The following BBS9 variants were observed in gnomAD, a reference collection of about 807,000 sequenced individuals.
BBS9 encodes Bardet-Biedl syndrome 9.
A neutral mutation model predicts 117.7 loss-of-function variants in BBS9; 89 were observed. That is an observed-to-expected ratio of 0.76 (90% confidence interval 0.64 to 0.90). The LOEUF (loss-of-function observed/expected upper bound fraction) is 0.90, where lower values mean the gene tolerates loss of function less well. Ranked by LOEUF, BBS9 falls within the 40% of genes least tolerant of loss-of-function variation. The pLI is 0.00. For missense variants in BBS9, 982 were observed against 1,042.2 expected, an observed-to-expected ratio of 0.94 and a Z score of 0.80; for synonymous variants, 379 against 370.9, an observed-to-expected ratio of 1.02 and a Z score of -0.25.
chr7:33,325,880 G>T (rs1812716611), intron 9 of BBS9, among the ~76,000 whole-genome samples: 1 of 152,124 alleles, frequency 6.6e-6, no homozygotes, highest in Non-Finnish European at 1.5e-5. Context: ...GGAGCTGGGG[G>T]AGTAGTGACA....
At chr7:33,283,053 T>C (rs1417763371) in intron 9 of BBS9, among the ~76,000 whole-genome samples, 1 of 152,232 alleles carries the variant, frequency 6.6e-6, no homozygotes, top group African/African-American at 2.4e-5. Context: ...CCTGTTGATA[T>C]ATCTAAATGG....
intron 5 of BBS9, among the ~76,000 whole-genome samples, chr7:33,182,955 G>A (rs1032739390): frequency 2.0e-5 from 3 of 152,122 alleles, no homozygotes; most frequent in Non-Finnish European, 4.4e-5. Context: ...CTCAGTAGGG[G>A]ATGGGGACAT....
chr7:33,482,823 C>A lies in BBS9; in HGVS notation c.2116-22640C>A, dbSNP rs2128977837. On this transcript the variant is annotated intron_variant, in intron 19 of 22. Coordinates refer to ENST00000242067, the MANE Select transcript of BBS9 (RefSeq NM_198428.3). ...TGTTGTTCTGGCCATTCATACCTTA[C>A]TATTTCTGTTTCTGGGCTATTCTGG... 2.0e-5 allele frequency among the ~76,000 whole-genome samples: 3 copies of A among 152,200 alleles called. No individual in the cohort carries two copies. In the South Asian group the frequency reaches 6.2e-4, roughly 32 times the overall value.
intron 19 of BBS9, among the ~76,000 whole-genome samples, chr7:33,495,003 A>G (rs935395567): frequency 3.3e-5 from 5 of 152,252 alleles, no homozygotes; most frequent in African/African-American, 1.2e-4. Flanking sequence ...GAACTACCAG[A>G]TAGTAGTGGT....
intron 5 of BBS9, among the ~76,000 whole-genome samples, chr7:33,225,284 ACCT>A (rs1791032026): frequency 6.6e-6 from 1 of 152,016 alleles, no homozygotes; most frequent in South Asian, 2.1e-4. Flanking sequence ...TGTGGCCTTG[ACCT>A]CCTGGGCTGA....
chr7:33,499,430 T>A (rs1040389550), intron 19 of BBS9, among the ~76,000 whole-genome samples: 4 of 152,200 alleles, frequency 2.6e-5, no homozygotes, highest in South Asian at 2.1e-4. Context: ...CCCTAGGGGA[T>A]GTATAAATTC....
At chr7:33,626,047 A>G (rs557897894) in intron 21 of BBS9, among the ~76,000 whole-genome samples, 5 of 152,282 alleles carry the variant, frequency 3.3e-5, no homozygotes, top group Admixed American at 2.0e-4. Flanking sequence ...TGTAATTCTC[A>G]GTGTTGGAGG....
intron 21 of BBS9, among the ~76,000 whole-genome samples, chr7:33,617,056 A>G (rs1865174774): frequency 1.3e-5 from 2 of 151,986 alleles, no homozygotes; most frequent in African/African-American, 4.8e-5. Context: ...TTTTTTTTAA[A>G]TAAACGGGTA....
intron 21 of BBS9, among the ~76,000 whole-genome samples, chr7:33,544,783 T>A (rs1853014689): frequency 1.3e-5 from 2 of 152,108 alleles, no homozygotes; most frequent in African/African-American, 2.4e-5. Flanking sequence ...TGTTTTCCAC[T>A]ACCAGGGTGG....
chr7:33,441,526 T>C (rs1268933903), intron 19 of BBS9, among the ~76,000 whole-genome samples: 2 of 152,232 alleles, frequency 1.3e-5, no homozygotes, highest in African/African-American at 2.4e-5. Context: ...TTTTGGATTA[T>C]TACTACATAA....
intron 5 of BBS9, among the ~76,000 whole-genome samples, chr7:33,247,826 T>C (rs1795596339): frequency 6.6e-6 from 1 of 152,188 alleles, no homozygotes; most frequent in Non-Finnish European, 1.5e-5. Flanking sequence ...CACCCAATAT[T>C]TTGTGGATGC....
chr7:33,404,650 G>C (rs2128800852), intron 19 of BBS9, among the ~76,000 whole-genome samples: 1 of 150,166 alleles, frequency 6.7e-6, no homozygotes, highest in South Asian at 2.1e-4. Flanking sequence ...CTGTTTGTCT[G>C]TTGTTGGTGT....
chr7:33,364,903 A>AT (rs910932439), intron 16 of BBS9, among the ~76,000 whole-genome samples: 2 of 150,216 alleles, frequency 1.3e-5, no homozygotes, highest in Non-Finnish European at 3.0e-5. Context: ...TAATTTTCTT[A>AT]TTTTTTGTAG....
At chr7:33,374,662 G>A (rs1823486871) in intron 17 of BBS9, among the ~76,000 whole-genome samples, 1 of 152,144 alleles carries the variant, frequency 6.6e-6, no homozygotes, top group African/African-American at 2.4e-5. Context: ...AGGACTTTGG[G>A]AGGTCGAGGT....
At chr7:33,152,896 A>G (rs775486299) in intron 3 of BBS9, 45 bp downstream of exon 3, 14 of 1,587,240 alleles carry the variant, frequency 8.8e-6, no homozygotes, top group East Asian at 6.7e-5. Flanking sequence ...GAGTATGTCA[A>G]TCCTTTACAG....
At chr7:33,613,514 G>A (rs1306580502) in intron 21 of BBS9, among the ~76,000 whole-genome samples, 2 of 151,940 alleles carry the variant, frequency 1.3e-5, no homozygotes, top group African/African-American at 4.8e-5. Context: ...AGAGTTGGAA[G>A]GCTGTGAGGG....
At chr7:33,459,854 T>C (rs1206931846) in intron 19 of BBS9, among the ~76,000 whole-genome samples, 1 of 152,154 alleles carries the variant, frequency 6.6e-6, no homozygotes, top group Non-Finnish European at 1.5e-5. Context: ...CTTTACCATA[T>C]ATTATATAAG....
At chr7:33,423,957 A>G (rs566707408) in intron 19 of BBS9, among the ~76,000 whole-genome samples, 15 of 152,328 alleles carry the variant, frequency 9.8e-5, no homozygotes, top group African/African-American at 3.4e-4. Flanking sequence ...TAAACTTTCA[A>G]TTAATTTCTT....
chr7:33,272,100 T>C (rs1270954384), intron 7 of BBS9, among the ~76,000 whole-genome samples: 2 of 152,162 alleles, frequency 1.3e-5, no homozygotes, highest in African/African-American at 4.8e-5. Flanking sequence ...GAAACATGGA[T>C]GGAGCTGGAG....
Sources: allele counts gnomAD v4.1 joint callset (sites outside exome capture counted in the v4.1 genomes callset), GRCh38; gene constraint gnomAD v4.1.1; transcripts MANE v1.5; gene names NCBI Gene and HGNC (gene_info 2026-07-23, HGNC 2026-07-21).